IGF1R: variants seen among roughly 807,000 people sequenced by gnomAD.
IGF1R encodes insulin-like growth factor 1 receptor.
In IGF1R, 44 loss-of-function variants were observed where a neutral mutation model predicts 144.6. That is an observed-to-expected ratio of 0.30 (90% CI 0.24 to 0.39). The LOEUF (loss-of-function observed/expected upper bound fraction) is 0.39, where lower values mean the gene tolerates loss of function less well. IGF1R is among the 10% of genes least tolerant of loss of function. The pLI is 1.00. For missense variants in IGF1R, 1,355 were observed against 1,833.7 expected, an observed-to-expected ratio of 0.74 and a Z score of 4.77; for synonymous variants, 795 against 722.8, an observed-to-expected ratio of 1.10 and a Z score of -1.60.
At chr15:98,809,388 TG>T (rs373193737) in intron 2 of IGF1R, among the ~76,000 whole-genome samples, 1 of 152,168 alleles carries the variant, frequency 6.6e-6, no homozygotes, top group Non-Finnish European at 1.5e-5. Context: ...AAGGTGAGTC[TG>T]GGAGAGACGC....
At position 98,728,432 on chromosome 15, in the gene IGF1R, G is replaced by T. The variant is rs574711588; in HGVS notation, c.640+20325G>T. On this transcript the variant is annotated intron_variant, in intron 2 of 20. Transcript: ENST00000650285. ...GACAGCAGAGCAGGGATGAGAAGTG[G>T]CCCTCTTCACATCACCTCCCAGCAA... Among the ~76,000 whole-genome samples the T allele has an allele frequency of 6.6e-5, 10 of 152,338 alleles. No individual in the cohort carries two copies. The South Asian group carries it at 2.1e-3, about 32-fold the overall frequency.
At chr15:98,664,340 C>T (rs1028549710) in intron 1 of IGF1R, among the ~76,000 whole-genome samples, 1 of 152,102 alleles carries the variant, frequency 6.6e-6, no homozygotes, top group Non-Finnish European at 1.5e-5. Flanking sequence ...CCTCTCTGCT[C>T]TCCTTTCCTC....
At chr15:98,949,673 C>G (rs2016697121) in intron 20 of IGF1R, among the ~76,000 whole-genome samples, 1 of 152,172 alleles carries the variant, frequency 6.6e-6, no homozygotes, top group Admixed American at 6.5e-5. Flanking sequence ...ACCTGGCAAC[C>G]CCACTTATTT....
At chr15:98,664,781 T>C (rs1339266477) in intron 1 of IGF1R, among the ~76,000 whole-genome samples, 1 of 151,524 alleles carries the variant, frequency 6.6e-6, no homozygotes, top group Non-Finnish European at 1.5e-5. Flanking sequence ...GAACCTAGGG[T>C]TTATAAACAC....
intron 14 of IGF1R, 71 bp from the exon 15 acceptor site, chr15:98,930,164 C>A: frequency 9.8e-7 from 1 of 1,025,472 alleles, no homozygotes; most frequent in Non-Finnish European, 1.5e-6. Context: ...ACTGTTGTAG[C>A]GAAGATGAAA....
intron 1 of IGF1R, among the ~76,000 whole-genome samples, chr15:98,661,025 G>A (rs1213932435): frequency 6.6e-6 from 1 of 152,178 alleles, no homozygotes; most frequent in African/African-American, 2.4e-5. Flanking sequence ...TTACAGGGTG[G>A]ACCTAGGTCA....
intron 5 of IGF1R, 144 bp from the exon 6 acceptor site, chr15:98,908,541 A>C: frequency 2.8e-6 from 2 of 703,188 alleles, no homozygotes; most frequent in Admixed American, 2.0e-5. Flanking sequence ...CTGTTCTCCT[A>C]TAGTGTTAAT....
At chr15:98,790,787 C>A (rs2056110745) in intron 2 of IGF1R, among the ~76,000 whole-genome samples, 1 of 152,184 alleles carries the variant, frequency 6.6e-6, no homozygotes, top group South Asian at 2.1e-4. Flanking sequence ...TCTTATTTTT[C>A]TTTCCATGTT....
chr15:98,830,845 C>T (rs1038456348), intron 2 of IGF1R, among the ~76,000 whole-genome samples: 23 of 152,114 alleles, frequency 1.5e-4, no homozygotes, highest in African/African-American at 5.6e-4. Flanking sequence ...CTCAGGTGAT[C>T]CCCCCACCCT....
intron 2 of IGF1R, among the ~76,000 whole-genome samples, chr15:98,747,676 T>TA (rs1244344047): frequency 4.6e-5 from 7 of 152,316 alleles, no homozygotes; most frequent in Admixed American, 3.9e-4. Context: ...TGGAGATTTT[T>TA]AAAAAAGCCT....
At chr15:98,807,210 G>A (rs1171911188) in intron 2 of IGF1R, among the ~76,000 whole-genome samples, 3 of 152,130 alleles carry the variant, frequency 2.0e-5, no homozygotes, top group Non-Finnish European at 4.4e-5. Context: ...CACATTTTTA[G>A]CAGCTAAAAT....
chr15:98,942,832 C>G (rs2016414475), intron 18 of IGF1R, 91 bp from the exon 19 acceptor site: 1 of 1,552,174 alleles, frequency 6.4e-7, no homozygotes, highest in Admixed American at 1.7e-5. Context: ...TGCCTTGCGT[C>G]TCTCCACACA....
intron 2 of IGF1R, among the ~76,000 whole-genome samples, chr15:98,731,469 A>T (rs1442672361): frequency 6.6e-6 from 1 of 152,210 alleles, no homozygotes; most frequent in Non-Finnish European, 1.5e-5. Flanking sequence ...TCTCTCAGTG[A>T]ACTTTCCAAA....
chr15:98,921,124 T>C (rs896548267), intron 10 of IGF1R, among the ~76,000 whole-genome samples: 1 of 152,234 alleles, frequency 6.6e-6, no homozygotes, highest in Non-Finnish European at 1.5e-5. Flanking sequence ...CTAAGACCGG[T>C]GACCCCAGCC....
At chr15:98,870,305 T>G (rs2012716555) in intron 2 of IGF1R, among the ~76,000 whole-genome samples, 1 of 152,246 alleles carries the variant, frequency 6.6e-6, no homozygotes, top group African/African-American at 2.4e-5. Context: ...AAATAAGTCT[T>G]TGATTGTAAA....
intron 2 of IGF1R, among the ~76,000 whole-genome samples, chr15:98,764,092 A>T (rs1301527217): frequency 1.3e-5 from 2 of 152,234 alleles, no homozygotes; most frequent in African/African-American, 4.8e-5. Flanking sequence ...TTAGCAATAA[A>T]TAGACATTTA....
intron 2 of IGF1R, among the ~76,000 whole-genome samples, chr15:98,739,545 T>C (rs995676419): frequency 4.7e-4 from 71 of 152,302 alleles, no homozygotes; most frequent in African/African-American, 1.7e-3. Flanking sequence ...TTTGAACCTA[T>C]ACTGCCTTTA....
intron 2 of IGF1R, among the ~76,000 whole-genome samples, chr15:98,878,500 A>G (rs1322919115): frequency 6.6e-6 from 1 of 152,094 alleles, no homozygotes; most frequent in East Asian, 1.9e-4. Flanking sequence ...AGTGTGTGAA[A>G]AGAATATTTT....
chr15:98,810,554 C>CT (rs1289249437), intron 2 of IGF1R, among the ~76,000 whole-genome samples: 12,039 of 138,650 alleles, frequency 0.087, 626 homozygotes, highest in Middle Eastern at 0.23. Flanking sequence ...CTTTTCTTTT[C>CT]TTTTTTTTTT....
Sources: allele counts gnomAD v4.1 joint callset (sites outside exome capture counted in the v4.1 genomes callset), GRCh38; gene constraint gnomAD v4.1.1; transcripts MANE v1.5; gene names NCBI Gene and HGNC (gene_info 2026-07-23, HGNC 2026-07-21).